The following KIF15 variants were observed in gnomAD, a reference collection of about 807,000 sequenced individuals.
KIF15 encodes the protein kinesin family member 15, also known as kinesin-like protein KIF15.
KIF15 carries 140 observed loss-of-function variants against 190.6 expected under a neutral mutation model. The observed-to-expected ratio is 0.73, with a 90% CI of 0.64 to 0.84. The LOEUF is 0.84. KIF15 is among the 40% of genes least tolerant of loss of function. The pLI is 0.00. For synonymous variants in KIF15, 528 were observed against 551.3 expected (o/e 0.96, Z 0.59); for missense variants, 1,372 against 1,584.4 (o/e 0.87, Z 2.28).
chr3:44,761,976 G>GC, intron 1 of KIF15, 92 bp downstream of exon 1: 2 of 1,546,644 alleles, frequency 1.3e-6, no homozygotes, highest in Non-Finnish European at 1.8e-6. Flanking sequence ...CAAGGTTCTT[G>GC]CTAGGCATGA....
rs76910287 is a variant in KIF15, at chr3:44,827,241, A to T, written c.2787-218A>T. On this transcript the variant is annotated intron_variant, in intron 22 of 34. Transcript: ENST00000326047. ...TATATGTTATATTTAGGAGTACTAA[A>T]CACTCTGAGGAAAAACAGTCATGGC... 3,908 of 495,902 alleles carry T rather than the reference A, an allele frequency of 7.9e-3. 95 individuals are homozygous for T. Among genetic ancestry groups the T allele is most frequent in the African/African-American group, 0.063 (3,245 of 51,438 alleles). 30.7% of individuals were successfully genotyped at this position (495,902 alleles called of 1,614,324 possible). A position where few individuals can be genotyped will look rare whatever the true frequency, so the allele number is the denominator to read the frequency against.
chr3:44,825,047 A>G (rs1220251249), intron 20 of KIF15, among the ~76,000 whole-genome samples: 1 of 152,226 alleles, frequency 6.6e-6, no homozygotes, highest in South Asian at 2.1e-4. Flanking sequence ...GGCATGAGCC[A>G]CTGTGCCCAG....
intron 16 of KIF15, among the ~76,000 whole-genome samples, chr3:44,807,602 G>T (rs1707573816): frequency 6.6e-6 from 1 of 152,102 alleles, no homozygotes; most frequent in Admixed American, 6.6e-5. Flanking sequence ...AGAACTGGAG[G>T]CAATCAGTGT....
intron 20 of KIF15, among the ~76,000 whole-genome samples, chr3:44,815,312 G>T (rs965258074): frequency 6.6e-6 from 1 of 152,198 alleles, no homozygotes; most frequent in African/African-American, 2.4e-5. Context: ...TCTATGTGTT[G>T]CTCTTATTCC....
intron 6 of KIF15, among the ~76,000 whole-genome samples, chr3:44,868,386 CT>C (rs1559604224): frequency 6.6e-6 from 1 of 152,078 alleles, no homozygotes; most frequent in Admixed American, 6.6e-5. Flanking sequence ...GCTTGTTTCC[CT>C]TTTCTATTCT....
intron 1 of KIF15, among the ~76,000 whole-genome samples, chr3:44,772,488 C>T (rs530741423): frequency 1.3e-5 from 2 of 152,228 alleles, no homozygotes; most frequent in South Asian, 4.1e-4. Flanking sequence ...GAGAAAAAAA[C>T]CTTTACCCAG....
rs116892735 is a variant in KIF15 at position 44,862,905 on chromosome 3, T to C, written c.*59+10111T>C. 8.5e-5 allele frequency: 13 copies of C among 152,060 alleles called. No homozygotes were observed. The East Asian group carries it at 2.3e-3, about 27-fold the overall frequency. The allele number at this position is 152,060 out of a possible 1,614,324, so 9.4% of individuals were successfully genotyped here. On this transcript the variant is annotated intron_variant and NMD_transcript_variant, in intron 6 of 6. Transcript: ENST00000422209. ...AGGTTAGTATCCCATTGGGTGTAGT[T>C]CATGGGGTAAGTGGTCGAAAGTAAA...
At chr3:44,798,041 T>A in intron 10 of KIF15, 85 bp downstream of exon 10, 1 of 1,188,096 alleles carries the variant, frequency 8.4e-7, no homozygotes, top group Non-Finnish European at 1.1e-6. Context: ...GCCCTAATAT[T>A]AACATTAACT....
downstream of KIF15, among the ~76,000 whole-genome samples, chr3:44,853,701 C>T (rs1443017126): frequency 2.0e-5 from 3 of 152,220 alleles, no homozygotes; most frequent in Admixed American, 1.3e-4. Flanking sequence ...CACATTTTCA[C>T]CAACACTTGT....
At chr3:44,806,082 G>A in intron 16 of KIF15, 96 bp downstream of exon 16, 2 of 1,350,254 alleles carry the variant, frequency 1.5e-6, no homozygotes, top group Non-Finnish European at 1.0e-6. Flanking sequence ...AGATGCAGAT[G>A]ACATCCCATG....
chr3:44,787,214 T>C (rs1220314493), intron 7 of KIF15, among the ~76,000 whole-genome samples: 19 of 152,198 alleles, frequency 1.2e-4, no homozygotes, highest in Non-Finnish European at 5.9e-5. Flanking sequence ...TCTTTAAATA[T>C]GCTATAAATA....
chr3:44,827,474 T>G lies in KIF15; in HGVS notation c.2802T>G (p.Val934=). 6.2e-7 allele frequency: 1 copy of G among 1,611,512 alleles called. No individual in the cohort carries two copies. The highest frequency in any genetic ancestry group is 8.5e-7 in the Non-Finnish European group (1 of 1,178,222). The change falls in exon 23 of 35, where the codon GTT becomes GTG. Residue 934 remains valine, a synonymous_variant. Transcript: ENST00000326047. ...KENSSKEILK[V]LEAVRQEKQK... ...TCTCTTCCAGAGAAATCTTAAAAGT[T>G]CTTGAGGCTGTACGTCAGGAGAAAC...
intron 20 of KIF15, among the ~76,000 whole-genome samples, chr3:44,817,590 G>C (rs1300905845): frequency 6.6e-6 from 1 of 152,042 alleles, no homozygotes; most frequent in Non-Finnish European, 1.5e-5. Context: ...GTTCTGTTCC[G>C]TTGGTCTATA....
chr3:44,774,838 G>A lies in KIF15; in HGVS notation c.62+401G>A, dbSNP rs763767361. On this transcript the variant is annotated intron_variant, in intron 2 of 34. Coordinates refer to ENST00000326047, the MANE Select transcript of KIF15 (RefSeq NM_020242.3). ...AAATTTGGCTGGGTGCAGGGCTCAC[G>A]CCAGTAATCCCAGCACTTTGGGAGG... Among the ~76,000 whole-genome samples the A allele has an allele frequency of 4.6e-5, 7 of 152,316 alleles. No homozygotes were observed. In the East Asian group the frequency reaches 7.7e-4, roughly 17 times the overall value.
chr3:44,765,463 C>T (rs1207575444), intron 1 of KIF15, among the ~76,000 whole-genome samples: 2 of 152,156 alleles, frequency 1.3e-5, no homozygotes, highest in Non-Finnish European at 2.9e-5. Context: ...ATCCAAAGCT[C>T]CAGCTTTGGA....
At chr3:44,838,027 A>G (rs1252210912) in intron 26 of KIF15, among the ~76,000 whole-genome samples, 1 of 152,220 alleles carries the variant, frequency 6.6e-6, no homozygotes, top group African/African-American at 2.4e-5. Flanking sequence ...ATTAGACCTC[A>G]AACCTAGAGT....
intron 26 of KIF15, among the ~76,000 whole-genome samples, chr3:44,831,489 C>G (rs1575665164): frequency 6.6e-6 from 1 of 152,286 alleles, no homozygotes; most frequent in South Asian, 2.1e-4. Context: ...GTGGAAACTG[C>G]ATTTAATTGG....
chr3:44,812,664 C>T (rs193195486), intron 18 of KIF15, among the ~76,000 whole-genome samples: 11 of 152,230 alleles, frequency 7.2e-5, no homozygotes, highest in South Asian at 2.1e-4. Flanking sequence ...TGGTCAGAGA[C>T]GTTAAAGCTA....
chr3:44,781,755 T>C (rs563117529), intron 5 of KIF15, among the ~76,000 whole-genome samples: 3 of 152,342 alleles, frequency 2.0e-5, no homozygotes, highest in African/African-American at 7.2e-5. Context: ...TATTATCTTA[T>C]TGTGTATTTA....
Sources: allele counts gnomAD v4.1 joint callset (sites outside exome capture counted in the v4.1 genomes callset), GRCh38; gene constraint gnomAD v4.1.1; transcripts MANE v1.5; gene names NCBI Gene and HGNC (gene_info 2026-07-23, HGNC 2026-07-21).